Variants in HS6ST3 observed in about 807,000 individuals in gnomAD.
HS6ST3 encodes the protein heparan sulfate 6-O-sulfotransferase 3, also known as heparan-sulfate 6-O-sulfotransferase 3.
A neutral mutation model predicts 36.7 loss-of-function variants in HS6ST3; 12 were observed. The observed-to-expected ratio is 0.33, with a 90% CI of 0.21 to 0.53. The LOEUF is 0.53. Ranked by LOEUF, HS6ST3 falls within the 20% of genes least tolerant of loss-of-function variation. HS6ST3 has a pLI of 0.95. For synonymous variants in HS6ST3, 240 were observed against 257.5 expected (o/e 0.93, Z 0.65); for missense variants, 584 against 640.9 (o/e 0.91, Z 0.96).
chr13:96,815,452 CT>C (rs1463715280), intron 1 of HS6ST3, among the ~76,000 whole-genome samples: 1 of 152,068 alleles, frequency 6.6e-6, no homozygotes, highest in Non-Finnish European at 1.5e-5. Context: ...ACTTCAACAT[CT>C]TTTTTTCGGA....
At chr13:96,149,270 A>T (rs1000742176) in intron 1 of HS6ST3, among the ~76,000 whole-genome samples, 1 of 152,188 alleles carries the variant, frequency 6.6e-6, no homozygotes, top group Non-Finnish European at 1.5e-5. Flanking sequence ...GATCACTCTG[A>T]ACTGTTAGTG....
At position 96,466,958 on chromosome 13, in the gene HS6ST3, G is replaced by A. The variant is rs569196338; in HGVS notation, c.708-365532G>A. Among the ~76,000 whole-genome samples the A allele has an allele frequency of 3.3e-5, 5 of 152,330 alleles. No individual in the cohort carries two copies. In the East Asian group the frequency reaches 9.6e-4, roughly 29 times the overall value. On this transcript the variant is annotated intron_variant, in intron 1 of 1. Transcript: ENST00000376705. ...TTTTCTATACTTAGCAGGGATGTTA[G>A]TGTTAAAAGTTAGAAAATTATATAC...
intron 1 of HS6ST3, among the ~76,000 whole-genome samples, chr13:96,314,194 A>T (rs1192408879): frequency 6.6e-6 from 1 of 152,144 alleles, no homozygotes; most frequent in Non-Finnish European, 1.5e-5. Flanking sequence ...GTGAGACTCC[A>T]TCTAAAACAA....
At chr13:96,437,643 G>A (rs946133534) in intron 1 of HS6ST3, among the ~76,000 whole-genome samples, 2 of 152,178 alleles carry the variant, frequency 1.3e-5, no homozygotes, top group African/African-American at 4.8e-5. Flanking sequence ...AACTATCAAT[G>A]TCTGTTTTCA....
chr13:96,199,434 C>G (rs746535122), intron 1 of HS6ST3, among the ~76,000 whole-genome samples: 18 of 152,098 alleles, frequency 1.2e-4, no homozygotes, highest in Non-Finnish European at 2.4e-4. Flanking sequence ...TTATTTATCC[C>G]TAGGACTTCA....
chr13:96,738,871 A>G (rs959135214), intron 1 of HS6ST3, among the ~76,000 whole-genome samples: 10 of 152,116 alleles, frequency 6.6e-5, no homozygotes, highest in African/African-American at 2.2e-4. Context: ...TTTTACAGCA[A>G]AACACCTCAA....
chr13:96,829,845 C>T (rs538173689), intron 1 of HS6ST3, among the ~76,000 whole-genome samples: 1 of 152,042 alleles, frequency 6.6e-6, no homozygotes, highest in African/African-American at 2.4e-5. Context: ...AATTTATATT[C>T]ATTTGGCTTT....
chr13:96,338,784 T>C (rs892102371), intron 1 of HS6ST3, among the ~76,000 whole-genome samples: 1 of 152,152 alleles, frequency 6.6e-6, no homozygotes, highest in Non-Finnish European at 1.5e-5. Context: ...TGGTGCCCCT[T>C]TCTCGTCATT....
intron 1 of HS6ST3, among the ~76,000 whole-genome samples, chr13:96,607,526 G>A (rs1437404298): frequency 6.6e-6 from 1 of 152,140 alleles, no homozygotes; most frequent in Non-Finnish European, 1.5e-5. Flanking sequence ...ATAGTTACTT[G>A]TAGAGCTTAA....
chr13:96,343,225 A>G (rs895484666), intron 1 of HS6ST3, among the ~76,000 whole-genome samples: 4 of 152,234 alleles, frequency 2.6e-5, no homozygotes, highest in South Asian at 4.1e-4. Context: ...ACTTAATAGT[A>G]TCAAACAAAA....
intron 1 of HS6ST3, among the ~76,000 whole-genome samples, chr13:96,831,444 C>A (rs1167796885): frequency 2.0e-5 from 3 of 152,192 alleles, no homozygotes; most frequent in African/African-American, 7.2e-5. Flanking sequence ...GCTCCAGTGT[C>A]ACTTTTCTGA....
intron 1 of HS6ST3, among the ~76,000 whole-genome samples, chr13:96,714,141 A>G (rs1875636743): frequency 6.6e-6 from 1 of 152,202 alleles, no homozygotes; most frequent in Non-Finnish European, 1.5e-5. Flanking sequence ...TTCTAAAGGT[A>G]CAAAACCTCC....
At chr13:96,303,988 C>T (rs1396204945) in intron 1 of HS6ST3, among the ~76,000 whole-genome samples, 1 of 151,844 alleles carries the variant, frequency 6.6e-6, no homozygotes, top group Non-Finnish European at 1.5e-5. Context: ...ACTAAAAATA[C>T]AAAAATTAGC....
At chr13:96,448,429 A>T (rs2036290202) in intron 1 of HS6ST3, among the ~76,000 whole-genome samples, 1 of 152,152 alleles carries the variant, frequency 6.6e-6, no homozygotes, top group Non-Finnish European at 1.5e-5. Context: ...ACTAAACCAA[A>T]TGCACCGCAT....
At position 96,492,449 on chromosome 13, in the gene HS6ST3, G is replaced by T. The variant is rs190669950; in HGVS notation, c.708-340041G>T. Reference sequence around the variant, plus strand: ...CATCTACCTCCCTCACCCTGACCTGGTCCTATAGTTGGGGGCATATCTTTC... The same window carrying T: ...CATCTACCTCCCTCACCCTGACCTGTTCCTATAGTTGGGGGCATATCTTTC... On this transcript the variant is annotated intron_variant, in intron 1 of 1. Transcript: ENST00000376705. 5.9e-5 allele frequency among the ~76,000 whole-genome samples: 9 copies of T among 152,282 alleles called. No individual in the cohort carries two copies. The East Asian group carries it at 1.7e-3, about 29-fold the overall frequency.
chr13:96,391,665 C>T (rs891114968), intron 1 of HS6ST3, among the ~76,000 whole-genome samples: 3 of 152,100 alleles, frequency 2.0e-5, no homozygotes, highest in Non-Finnish European at 4.4e-5. Flanking sequence ...GAGCAAGTCA[C>T]GTATTACATG....
intron 1 of HS6ST3, among the ~76,000 whole-genome samples, chr13:96,530,951 A>G (rs1040245607): frequency 1.3e-5 from 2 of 152,222 alleles, no homozygotes; most frequent in Non-Finnish European, 2.9e-5. Context: ...CAAGTTTCAC[A>G]TGAGTACTGT....
At chr13:96,322,964 A>G (rs1263987362) in intron 1 of HS6ST3, among the ~76,000 whole-genome samples, 4 of 151,904 alleles carry the variant, frequency 2.6e-5, no homozygotes, top group Non-Finnish European at 5.9e-5. Flanking sequence ...TGTGCCTCCT[A>G]CCTCACAGGT....
At chr13:96,496,217 A>C (rs2055974899) in intron 1 of HS6ST3, among the ~76,000 whole-genome samples, 1 of 152,048 alleles carries the variant, frequency 6.6e-6, no homozygotes, top group Non-Finnish European at 1.5e-5. Context: ...CCTGATATTC[A>C]TTTTATTATT....
Sources: allele counts gnomAD v4.1 joint callset (sites outside exome capture counted in the v4.1 genomes callset), GRCh38; gene constraint gnomAD v4.1.1; transcripts MANE v1.5; gene names NCBI Gene and HGNC (gene_info 2026-07-23, HGNC 2026-07-21).